The following ANKRD11 variants were observed in gnomAD, a reference collection of about 807,000 sequenced individuals.
ANKRD11 encodes ankyrin repeat domain 11.
In ANKRD11, 17 loss-of-function variants were observed where a neutral mutation model predicts 195.7. That is an observed-to-expected ratio of 0.09 (90% CI 0.06 to 0.13). The LOEUF (loss-of-function observed/expected upper bound fraction) is 0.13. ANKRD11 is among the 10% of genes least tolerant of loss of function. ANKRD11 has a pLI of 1.00. For missense variants in ANKRD11, 3,735 were observed against 3,566.1 expected (o/e 1.05, Z -1.21); for synonymous variants, 1,953 against 1,528.1 (o/e 1.28, Z -6.49).
chr16:89,454,204 G>A (rs528744576), intron 1 of ANKRD11, among the ~76,000 whole-genome samples: 1 of 152,158 alleles, frequency 6.6e-6, no homozygotes, highest in Admixed American at 6.5e-5. Flanking sequence ...GCTGCTCTCA[G>A]TCACTGCCCA....
chr16:89,433,863 C>T (rs2043103423), intron 1 of ANKRD11, among the ~76,000 whole-genome samples: 1 of 152,230 alleles, frequency 6.6e-6, no homozygotes, highest in Non-Finnish European at 1.5e-5. Flanking sequence ...AGAAAAGGGG[C>T]TGCTCTCTGC....
intron 1 of ANKRD11, among the ~76,000 whole-genome samples, chr16:89,426,092 T>C (rs140986030): frequency 6.6e-6 from 1 of 152,090 alleles, no homozygotes; most frequent in Non-Finnish European, 1.5e-5. Context: ...AGGAGAACCT[T>C]CAGTCCTCAG....
At chr16:89,345,596 T>TA (rs1264344667) in intron 2 of ANKRD11, among the ~76,000 whole-genome samples, 2 of 152,216 alleles carry the variant, frequency 1.3e-5, no homozygotes, top group African/African-American at 4.8e-5. Flanking sequence ...GGCATTTTGT[T>TA]ACAGCGGCAT....
intron 2 of ANKRD11, among the ~76,000 whole-genome samples, chr16:89,395,486 G>A (rs1337860970): frequency 1.3e-5 from 2 of 152,314 alleles, no homozygotes; most frequent in East Asian, 1.9e-4. Flanking sequence ...GTGAGCATGC[G>A]CCCAGGAACA....
chr16:89,282,994 T>C lies in ANKRD11; in HGVS notation c.3548A>G (p.Asp1183Gly). 1 of 1,613,814 alleles carries C rather than the reference T, an allele frequency of 6.2e-7. No individual in the cohort carries two copies. Among genetic ancestry groups the C allele is most frequent in the African/African-American group, 1.3e-5 (1 of 75,002 alleles). The change falls in exon 9 of 13, where the codon GAC becomes GGC. Residue 1183 changes from aspartate to glycine, a missense_variant. Coordinates refer to ENST00000301030, the MANE Select transcript of ANKRD11 (RefSeq NM_013275.6). ...PERQKDKEPR[D>G]RRKDRGAADA... ...GGCAGCCCCTCGGTCCTTTCTCCTG[T>C]CTCTGGGCTCCTTGTCCTTCTGCCT...
At position 89,291,899 on chromosome 16, in the gene ANKRD11, GCGT is replaced by G; in HGVS notation, c.227-719_227-717del. ...TGACCCGTTACAGAACACTCGGCTG[GCGT>G]CTAACGCAACTCACGTGCTGTGTCT... On this transcript the variant is annotated intron_variant, in intron 4 of 12. Coordinates refer to ENST00000301030, the MANE Select transcript of ANKRD11 (RefSeq NM_013275.6). The surrounding 1 kb of genome is among the most constrained non-coding windows in gnomAD (Gnocchi z 5.3). 1 of 596,980 alleles carries G rather than the reference GCGT, an allele frequency of 1.7e-6. No homozygotes were observed. Among genetic ancestry groups the G allele is most frequent in the Non-Finnish European group, 2.8e-6 (1 of 362,844 alleles). 37.0% of individuals were successfully genotyped at this position (596,980 alleles called of 1,614,324 possible). A position where few individuals can be genotyped will look rare whatever the true frequency, so the allele number is the denominator to read the frequency against.
At chr16:89,479,726 G>A (rs750244591) in intron 1 of ANKRD11, among the ~76,000 whole-genome samples, 3 of 151,862 alleles carry the variant, frequency 2.0e-5, no homozygotes, top group South Asian at 4.2e-4. Context: ...GGCGGATCAC[G>A]AGTTCAGGAG....
chr16:89,335,815 C>A (rs528887769), intron 2 of ANKRD11, among the ~76,000 whole-genome samples: 1 of 152,280 alleles, frequency 6.6e-6, no homozygotes, highest in African/African-American at 2.4e-5. Flanking sequence ...ACGGTTTGAC[C>A]CAGAGAGTAC....
At chr16:89,413,129 A>C (rs2042163654) in intron 2 of ANKRD11, among the ~76,000 whole-genome samples, 1 of 152,226 alleles carries the variant, frequency 6.6e-6, no homozygotes, top group African/African-American at 2.4e-5. Context: ...GAACAGGTCT[A>C]ACTTAAATGA....
intron 1 of ANKRD11, among the ~76,000 whole-genome samples, chr16:89,451,319 G>A (rs2044061051): frequency 6.6e-6 from 1 of 151,988 alleles, no homozygotes; most frequent in Admixed American, 6.6e-5. Flanking sequence ...TGCCTGGGGT[G>A]TGAACAGATT....
At chr16:89,468,281 A>C (rs1319234694) in intron 1 of ANKRD11, among the ~76,000 whole-genome samples, 1 of 152,252 alleles carries the variant, frequency 6.6e-6, no homozygotes, top group African/African-American at 2.4e-5. Context: ...CACATGGCAC[A>C]GACTCTATCA....
chr16:89,433,618 C>T (rs866634721), intron 1 of ANKRD11, among the ~76,000 whole-genome samples: 1 of 151,678 alleles, frequency 6.6e-6, no homozygotes, highest in South Asian at 2.1e-4. Flanking sequence ...AGAGAAGGAA[C>T]GGGCTTGGAC....
At chr16:89,271,023 G>C in intron 11 of ANKRD11, 114 bp from the exon 12 acceptor site, 1 of 945,326 alleles carries the variant, frequency 1.1e-6, no homozygotes, top group Non-Finnish European at 1.7e-6. Context: ...CACAGGGGGA[G>C]CCTCATTCCA....
chr16:89,385,344 G>T (rs1406783511), intron 2 of ANKRD11, among the ~76,000 whole-genome samples: 5 of 151,864 alleles, frequency 3.3e-5, no homozygotes, highest in Non-Finnish European at 5.9e-5. Flanking sequence ...GGCCGGGCTG[G>T]TCTCGAACTC....
At chr16:89,420,918 T>C (rs988016559) in intron 1 of ANKRD11, among the ~76,000 whole-genome samples, 13 of 152,230 alleles carry the variant, frequency 8.5e-5, no homozygotes, top group Non-Finnish European at 1.9e-4. Context: ...CCACCACGAC[T>C]ATAAACAAGC....
intron 2 of ANKRD11, among the ~76,000 whole-genome samples, chr16:89,325,467 T>TCA (rs1472706911): frequency 3.3e-4 from 47 of 140,602 alleles, no homozygotes; most frequent in African/African-American, 1.2e-3. Context: ...TCTCTCTCTC[T>TCA]CTCACACACA....
chr16:89,357,183 A>T (rs1567695144), intron 2 of ANKRD11, among the ~76,000 whole-genome samples: 1 of 152,182 alleles, frequency 6.6e-6, no homozygotes, highest in Non-Finnish European at 1.5e-5. Context: ...GCTACAACAC[A>T]CCTTCGAAGA....
At chr16:89,449,613 G>C (rs2043972617) in intron 1 of ANKRD11, among the ~76,000 whole-genome samples, 1 of 151,902 alleles carries the variant, frequency 6.6e-6, no homozygotes, top group Admixed American at 6.6e-5. Context: ...GACCAACATG[G>C]AGAAACCCCG....
At chr16:89,408,027 C>T (rs2041978499) in intron 2 of ANKRD11, among the ~76,000 whole-genome samples, 1 of 152,166 alleles carries the variant, frequency 6.6e-6, no homozygotes, top group African/African-American at 2.4e-5. Context: ...GCTACAGCTG[C>T]CATGCAGTGG....
Sources: gnomAD v4.1 joint callset for allele counts (sites outside exome capture counted in the v4.1 genomes callset) on GRCh38, gnomAD v4.1.1 for gene constraint, Gnocchi (gnomAD v3.1) non-coding constraint, MANE v1.5 for transcripts, NCBI Gene and HGNC (gene_info 2026-07-23, HGNC 2026-07-21) for gene names.